Variants in DST observed in about 807,000 individuals in gnomAD.
DST encodes the protein bullous pemphigoid antigen.
DST carries 253 observed loss-of-function variants against 875.2 expected under a neutral mutation model. That is an observed-to-expected ratio of 0.29 (90% CI 0.26 to 0.32). The LOEUF is 0.32. DST is among the 10% of genes least tolerant of loss of function. The pLI, the probability that DST is intolerant of heterozygous loss-of-function variation, is 1.00. For missense variants in DST, 8,287 were observed against 9,111.6 expected (o/e 0.91, Z 3.68); for synonymous variants, 3,124 against 3,197.1 (o/e 0.98, Z 0.77).
chr6:56,485,478 A>C lies in DST; in HGVS notation c.21048-7T>G. ...TTCCTCCAATTTGTTTTGTCTAGGG[A>C]AAAAGGTAGAAAAATTGATCCTTGC... is the stretch of plus-strand genomic sequence containing the variant. On this transcript the variant is annotated splice_region_variant and splice_polypyrimidine_tract_variant and intron_variant, in intron 87 of 103. Transcript: ENST00000680361. The C allele has an allele frequency of 2.5e-6, 4 of 1,607,908 alleles. No individual in the cohort carries two copies. In the South Asian group the frequency reaches 4.4e-5, roughly 18 times the overall value.
At chr6:56,655,538 C>G (rs1434835259) in intron 10 of DST, among the ~76,000 whole-genome samples, 1 of 152,128 alleles carries the variant, frequency 6.6e-6, no homozygotes, top group Non-Finnish European at 1.5e-5. Context: ...TCAGCTGGCA[C>G]TCAATAATTA....
At chr6:56,668,572 T>C (rs2152824244) in intron 10 of DST, among the ~76,000 whole-genome samples, 1 of 151,942 alleles carries the variant, frequency 6.6e-6, no homozygotes, top group East Asian at 1.9e-4. Context: ...TGAAATCCTG[T>C]CTCTACTAAA....
intron 2 of DST, among the ~76,000 whole-genome samples, chr6:56,909,151 G>A (rs1205506815): frequency 1.3e-5 from 2 of 152,040 alleles, no homozygotes; most frequent in Non-Finnish European, 2.9e-5. Context: ...GTTATTCAAC[G>A]CATTAATTAA....
At chr6:56,801,174 T>C (rs1055807747) in intron 4 of DST, among the ~76,000 whole-genome samples, 3 of 152,172 alleles carry the variant, frequency 2.0e-5, no homozygotes, top group Admixed American at 6.6e-5. Flanking sequence ...CCAGATTTTA[T>C]ATGGATTTCA....
At chr6:56,528,609 T>C (rs77582041) in intron 67 of DST, among the ~76,000 whole-genome samples, 21 of 152,324 alleles carry the variant, frequency 1.4e-4, no homozygotes, top group East Asian at 1.2e-3. Flanking sequence ...AAGTGCTTTA[T>C]GTTATGAGTA....
intron 86 of DST, 27 bp from the exon 87 acceptor site, chr6:56,487,300 G>A (rs748965139): frequency 4.6e-6 from 7 of 1,518,808 alleles, no homozygotes; most frequent in South Asian, 1.4e-5. Context: ...AAAAAAATGC[G>A]AATTTCTTCT....
At position 56,954,641 on chromosome 6, in the gene DST, G is replaced by A. The variant is rs757719411; in HGVS notation, c.-54C>T. 2.5e-6 allele frequency: 3 copies of A among 1,219,388 alleles called. No homozygotes were observed. The highest frequency in any genetic ancestry group is 1.5e-5 in the South Asian group (1 of 65,058). 75.5% of individuals were successfully genotyped at this position (1,219,388 alleles called of 1,614,324 possible). On this transcript the variant is annotated 5_prime_UTR_variant, in exon 1 of 104. Coordinates refer to ENST00000680361, the MANE Select transcript of DST (RefSeq NM_001374736.1). ...GGCGGGGCTGGAGGGCGGCGGCACA[G>A]GCACCCGCGCTGGGCGCACGCCGGG...
At chr6:56,642,727 G>A in intron 15 of DST, 11 of 1,614,140 alleles carry the variant, frequency 6.8e-6, no homozygotes, top group Non-Finnish European at 9.3e-6. Context: ...ACTGGTTCGA[G>A]TGCTGGTAGT....
chr6:56,942,299 G>A (rs933192785), intron 2 of DST, among the ~76,000 whole-genome samples: 1 of 152,018 alleles, frequency 6.6e-6, no homozygotes, highest in Non-Finnish European at 1.5e-5. Context: ...TGGAGTGTTT[G>A]GCCCATTAAT....
intron 64 of DST, among the ~76,000 whole-genome samples, chr6:56,530,569 T>C (rs1287806229): frequency 6.6e-6 from 1 of 152,194 alleles, no homozygotes; most frequent in Non-Finnish European, 1.5e-5. Context: ...TGGTCAAAAC[T>C]GGTTTCAAAT....
In DST at chr6:56,784,360, A is replaced by G. The variant is rs574777239; in HGVS notation, c.626-49071T>C. Among the ~76,000 whole-genome samples, 15 of 152,324 alleles carry G rather than the reference A, an allele frequency of 9.8e-5. 1 individual carries two copies. The highest frequency in any genetic ancestry group is 2.0e-4 in the Admixed American group (3 of 15,302). On this transcript the variant is annotated intron_variant, in intron 4 of 103. Transcript: ENST00000680361. ...CATTCTCCCCGTCACTTTCAGGTAC[A>G]CTGATCAGACGCAGATTTGGTCTTT...
In DST at chr6:56,497,920, C is replaced by T. The variant is rs748356651; in HGVS notation, c.20030G>A (p.Arg6677His). 4.0e-5 allele frequency: 65 copies of T among 1,613,110 alleles called. No individual in the cohort carries two copies. Among genetic ancestry groups the T allele is most frequent in the Non-Finnish European group, 4.9e-5 (58 of 1,179,504 alleles). ...TGTTTTTTCCAAAACATTTTGCCAGCGTTGATTTAAAACCTCTAGCTTGTT... is the reference window on the plus strand; with the variant it reads ...TGTTTTTTCCAAAACATTTTGCCAGTGTTGATTTAAAACCTCTAGCTTGTT... The part of the protein sequence containing the change: ...LQNKLEVLNQ[R>H]WQNVLEKTEQ... The change falls in exon 81 of 104, where the codon CGC (arginine) becomes CAC (histidine). Residue 6677 changes from arginine to histidine, a missense_variant. Coordinates refer to ENST00000680361, the MANE Select transcript of DST (RefSeq NM_001374736.1).
chr6:56,897,749 C>T (rs1373541526), intron 3 of DST, among the ~76,000 whole-genome samples: 1 of 152,144 alleles, frequency 6.6e-6, no homozygotes, highest in Non-Finnish European at 1.5e-5. Flanking sequence ...ACCCAAGTTC[C>T]TTTGCCCTCC....
intron 2 of DST, among the ~76,000 whole-genome samples, chr6:56,903,204 C>CT (rs1408618442): frequency 1.3e-5 from 2 of 152,274 alleles, no homozygotes; most frequent in Middle Eastern, 3.4e-3. Flanking sequence ...TGTAGATTCT[C>CT]TTATGAGTAA....
intron 2 of DST, among the ~76,000 whole-genome samples, chr6:56,952,846 C>A (rs913264642): frequency 1.3e-5 from 2 of 152,130 alleles, no homozygotes; most frequent in African/African-American, 4.8e-5. Flanking sequence ...AGAGTTCTCA[C>A]CTTCCAGGGC....
chr6:56,560,514 A>G, intron 57 of DST, 91 bp from the exon 58 acceptor site: 1 of 1,332,112 alleles, frequency 7.5e-7, no homozygotes. Flanking sequence ...AGAATAATGA[A>G]AAGAGGAAAA....
At chr6:56,730,593 T>A (rs1589309288) in intron 5 of DST, among the ~76,000 whole-genome samples, 1 of 152,200 alleles carries the variant, frequency 6.6e-6, no homozygotes, top group African/African-American at 2.4e-5. Context: ...CAATTTTATA[T>A]TTTGGAACAA....
chr6:56,690,971 C>A (rs538526920), intron 9 of DST, among the ~76,000 whole-genome samples: 3 of 152,322 alleles, frequency 2.0e-5, no homozygotes, highest in African/African-American at 7.2e-5. Context: ...AATATAATGA[C>A]TACCCATTCA....
chr6:56,636,373 T>TAC (rs1225152168), intron 23 of DST, among the ~76,000 whole-genome samples, 184 bp downstream of exon 23: 3 of 151,096 alleles, frequency 2.0e-5, no homozygotes, highest in Non-Finnish European at 2.9e-5. Context: ...TGTATATATA[T>TAC]ACACACATAT....
Sources: gnomAD v4.1 joint callset for allele counts (sites outside exome capture counted in the v4.1 genomes callset) on GRCh38, gnomAD v4.1.1 for gene constraint, MANE v1.5 for transcripts, NCBI Gene and HGNC (gene_info 2026-07-23, HGNC 2026-07-21) for gene names.